Variants in RBM19 observed in about 807,000 individuals in gnomAD.
The protein encoded by RBM19 is probable RNA-binding protein 19.
RBM19 carries 94 observed loss-of-function variants against 116.8 expected under a neutral mutation model. The ratio of observed to expected loss-of-function variants is 0.80; its 90% confidence interval spans 0.68 to 0.95. RBM19 has a LOEUF of 0.95. Ranked by LOEUF, RBM19 falls within the 40% of genes least tolerant of loss-of-function variation. The probability of loss-of-function intolerance (pLI) is 0.00; values close to 1 mark genes in which losing one functional copy is unlikely to be tolerated. For synonymous variants in RBM19, 475 were observed against 494.1 expected, an observed-to-expected ratio of 0.96 and a Z score of 0.51; for missense variants, 1,161 against 1,220.7, an observed-to-expected ratio of 0.95 and a Z score of 0.73.
chr12:113,884,516 C>T (rs964420659), intron 21 of RBM19, among the ~76,000 whole-genome samples: 4 of 152,040 alleles, frequency 2.6e-5, no homozygotes, highest in East Asian at 1.9e-4. Context: ...ATGCACAGAA[C>T]GGCCTCCCAC....
At chr12:113,904,249 C>CA (rs1249590641) in intron 21 of RBM19, among the ~76,000 whole-genome samples, 1 of 152,118 alleles carries the variant, frequency 6.6e-6, no homozygotes, top group African/African-American at 2.4e-5. Context: ...AGTAAAACCT[C>CA]AGGGGTGATG....
intron 21 of RBM19, among the ~76,000 whole-genome samples, chr12:113,891,733 G>A (rs1335153029): frequency 6.6e-6 from 1 of 152,338 alleles, no homozygotes; most frequent in East Asian, 1.9e-4. Context: ...CAGAAGCCAA[G>A]GTGATGGTTC....
intron 13 of RBM19, among the ~76,000 whole-genome samples, chr12:113,945,020 T>G (rs1459008449): frequency 1.3e-5 from 2 of 152,106 alleles, no homozygotes; most frequent in Non-Finnish European, 2.9e-5. Flanking sequence ...GCTGTGTAAG[T>G]CTAGAGATCT....
chr12:113,843,817 G>A (rs1030276752), intron 23 of RBM19, among the ~76,000 whole-genome samples: 10 of 152,178 alleles, frequency 6.6e-5, no homozygotes, highest in African/African-American at 2.4e-4. Context: ...TGGAGAAGAC[G>A]AGGCCCTGCT....
chr12:113,895,318 G>A (rs905172038), intron 21 of RBM19, among the ~76,000 whole-genome samples: 16 of 152,132 alleles, frequency 1.1e-4, no homozygotes, highest in African/African-American at 3.6e-4. Flanking sequence ...GGGATGATGG[G>A]GCAGGGAAGG....
chr12:113,885,032 T>C (rs1176163667), intron 21 of RBM19, among the ~76,000 whole-genome samples: 1 of 152,134 alleles, frequency 6.6e-6, no homozygotes, highest in Admixed American at 6.5e-5. Flanking sequence ...AATTACACAA[T>C]CATCAGTTGG....
At chr12:113,887,420 G>A (rs895284362) in intron 21 of RBM19, among the ~76,000 whole-genome samples, 8 of 151,966 alleles carry the variant, frequency 5.3e-5, no homozygotes, top group Admixed American at 5.2e-4. Flanking sequence ...GGCACATCAC[G>A]AGGTCAGGAG....
intron 7 of RBM19, among the ~76,000 whole-genome samples, chr12:113,953,897 T>C (rs1320715925): frequency 1.3e-5 from 2 of 152,234 alleles, no homozygotes; most frequent in Non-Finnish European, 2.9e-5. Flanking sequence ...GTGACAGAGA[T>C]TAAATGGCTT....
intron 22 of RBM19, 40 bp downstream of exon 22, chr12:113,858,751 G>A (rs748576595): frequency 6.3e-6 from 10 of 1,583,994 alleles, no homozygotes; most frequent in African/African-American, 1.3e-5. Flanking sequence ...TACTGGAAAG[G>A]GGAGGCCTGG....
At chr12:113,848,198 T>C (rs1877147322) in intron 22 of RBM19, among the ~76,000 whole-genome samples, 1 of 152,228 alleles carries the variant, frequency 6.6e-6, no homozygotes, top group African/African-American at 2.4e-5. Flanking sequence ...TTGGCTGTTA[T>C]TATGATGATG....
intron 21 of RBM19, among the ~76,000 whole-genome samples, chr12:113,865,629 A>G (rs1235286000): frequency 1.3e-5 from 2 of 152,162 alleles, no homozygotes; most frequent in Non-Finnish European, 2.9e-5. Context: ...CTCATGCATT[A>G]TCTCATATAA....
At chr12:113,956,481 T>C (rs893746286) in intron 6 of RBM19, among the ~76,000 whole-genome samples, 2 of 147,370 alleles carry the variant, frequency 1.4e-5, no homozygotes, top group African/African-American at 5.1e-5. Flanking sequence ...CTCGGGAGGC[T>C]GAGGCATGAG....
chr12:113,943,995 A>G (rs887526116), intron 13 of RBM19, among the ~76,000 whole-genome samples: 2 of 151,962 alleles, frequency 1.3e-5, no homozygotes, highest in African/African-American at 4.8e-5. Context: ...CCTGGTGGAC[A>G]GCAATGGGCA....
rs1358097552 is a variant in RBM19, at chr12:113,904,175, A to G, written c.2558+10794T>C. Among the ~76,000 whole-genome samples the G allele has an allele frequency of 2.0e-5, 3 of 152,212 alleles. No individual in the cohort carries two copies. In the South Asian group the frequency reaches 6.2e-4, roughly 32 times the overall value. On this transcript the variant is annotated intron_variant, in intron 21 of 23. Transcript: ENST00000261741. ...TGTGGTTATTCTGAGGGTAGGAGGT[A>G]GAGCACTGAGCTCCCAATAAGCACG...
chr12:113,914,922 C>T, intron 21 of RBM19, 47 bp downstream of exon 21: 2 of 1,526,044 alleles, frequency 1.3e-6, no homozygotes, highest in South Asian at 1.1e-5. Context: ...CTCGGGCAGG[C>T]TCCCCGCCCA....
intron 9 of RBM19, among the ~76,000 whole-genome samples, chr12:113,949,412 C>T (rs774078436): frequency 4.6e-5 from 7 of 152,194 alleles, no homozygotes; most frequent in South Asian, 2.1e-4. Flanking sequence ...TTTATTTGCA[C>T]GCATAGCCCC....
At chr12:113,852,914 A>G (rs1877568661) in intron 22 of RBM19, among the ~76,000 whole-genome samples, 1 of 152,218 alleles carries the variant, frequency 6.6e-6, no homozygotes, top group South Asian at 2.1e-4. Flanking sequence ...TCTAATAGCG[A>G]TGGTTTACTG....
chr12:113,894,425 C>A (rs1881181441), intron 21 of RBM19, among the ~76,000 whole-genome samples: 1 of 152,190 alleles, frequency 6.6e-6, no homozygotes, highest in Admixed American at 6.5e-5. Context: ...TTAATCTAGG[C>A]TGTCAGAACC....
At position 113,950,066 on chromosome 12, in the gene RBM19, G is replaced by T; in HGVS notation, c.1072+17C>A. On this transcript the variant is annotated intron_variant, in intron 9 of 23. Transcript: ENST00000261741. ...ACGCTGTAACACAGAGAGAGCACATGGCCAGGGCTTCCTTACCCATGTACT... is the reference window on the plus strand; with the variant it reads ...ACGCTGTAACACAGAGAGAGCACATTGCCAGGGCTTCCTTACCCATGTACT... 6.3e-7 allele frequency: 1 copy of T among 1,580,432 alleles called. No homozygotes were observed. Among genetic ancestry groups the T allele is most frequent in the Non-Finnish European group, 8.7e-7 (1 of 1,150,084 alleles).
Sources: allele counts gnomAD v4.1 joint callset (sites outside exome capture counted in the v4.1 genomes callset), GRCh38; gene constraint gnomAD v4.1.1; transcripts MANE v1.5; gene names NCBI Gene and HGNC (gene_info 2026-07-23, HGNC 2026-07-21).